Variants in PTPRG observed in about 807,000 individuals in gnomAD.
PTPRG encodes the protein protein tyrosine phosphatase receptor type G, also known as receptor-type tyrosine-protein phosphatase gamma.
A neutral mutation model predicts 165.3 loss-of-function variants in PTPRG; 102 were observed. The observed-to-expected ratio is 0.62, with a 90% confidence interval of 0.53 to 0.73. The LOEUF is 0.73. PTPRG is among the 30% of genes least tolerant of loss of function. The pLI, the probability that PTPRG is intolerant of heterozygous loss-of-function variation, is 0.00. For missense variants in PTPRG, 1,866 were observed against 1,861.4 expected (o/e 1.00, Z -0.05); for synonymous variants, 675 against 669.5 (o/e 1.01, Z -0.13).
At chr3:62,125,187 T>C (rs1703242412) in intron 5 of PTPRG, among the ~76,000 whole-genome samples, 1 of 152,204 alleles carries the variant, frequency 6.6e-6, no homozygotes, top group African/African-American at 2.4e-5. Flanking sequence ...CTACATGATA[T>C]TTACATGGTC....
intron 4 of PTPRG, among the ~76,000 whole-genome samples, chr3:62,024,451 C>T (rs1481954789): frequency 6.6e-6 from 1 of 152,164 alleles, no homozygotes; most frequent in Non-Finnish European, 1.5e-5. Context: ...CAGGTAACTT[C>T]AAAAGAATAT....
chr3:61,597,595 A>G (rs1032250404), intron 1 of PTPRG, among the ~76,000 whole-genome samples: 4 of 152,172 alleles, frequency 2.6e-5, no homozygotes, highest in African/African-American at 9.7e-5. Flanking sequence ...TCTTTTTACC[A>G]TGTAGGATTT....
intron 1 of PTPRG, among the ~76,000 whole-genome samples, chr3:61,639,122 A>C (rs1701996884): frequency 6.6e-6 from 1 of 152,212 alleles, no homozygotes; most frequent in African/African-American, 2.4e-5. Context: ...ATTCCGCTGC[A>C]TATGGCTAGC....
At chr3:61,778,703 A>T (rs959720718) in intron 2 of PTPRG, among the ~76,000 whole-genome samples, 1 of 152,114 alleles carries the variant, frequency 6.6e-6, no homozygotes. Context: ...GTACTGACCT[A>T]CTGTAGCCTT....
At chr3:61,921,866 G>C (rs757562749) in intron 2 of PTPRG, among the ~76,000 whole-genome samples, 1 of 152,112 alleles carries the variant, frequency 6.6e-6, no homozygotes, top group Non-Finnish European at 1.5e-5. Flanking sequence ...GCAAAAAGCA[G>C]AGTTTATGCA....
intron 1 of PTPRG, among the ~76,000 whole-genome samples, chr3:61,715,784 A>G (rs1454812031): frequency 1.3e-5 from 2 of 152,160 alleles, no homozygotes; most frequent in Non-Finnish European, 2.9e-5. Flanking sequence ...AACGATGATG[A>G]CACATGATCA....
At chr3:61,787,372 TC>T (rs375854800) in intron 2 of PTPRG, among the ~76,000 whole-genome samples, 39 of 152,336 alleles carry the variant, frequency 2.6e-4, no homozygotes, top group African/African-American at 9.1e-4. Flanking sequence ...TCCTGCCTTT[TC>T]CCTGAATGAA....
intron 2 of PTPRG, among the ~76,000 whole-genome samples, chr3:61,768,081 T>C (rs1418929529): frequency 6.6e-6 from 1 of 152,156 alleles, no homozygotes; most frequent in Non-Finnish European, 1.5e-5. Context: ...AGAGATATAT[T>C]AATTGATTTT....
At chr3:62,148,019 G>A (rs13433689) in intron 6 of PTPRG, among the ~76,000 whole-genome samples, 1,725 of 152,236 alleles carry the variant, frequency 0.011, 34 homozygotes, top group African/African-American at 0.039. Context: ...GGTGGTGCAC[G>A]CCTGTAGTTC....
chr3:61,894,301 C>CAAAAAAAAAAAAAAA lies in PTPRG; in HGVS notation c.191-95305_191-95291dup, dbSNP rs767479285. ...CGGGCAACAGAGCAAGACTCTGTGT[C>CAAAAAAAAAAAAAAA]AAAAAAAAAAAAAAAAAAAAAAAAA... is the stretch of plus-strand genomic sequence containing the variant. On this transcript the variant is annotated intron_variant, in intron 2 of 29. Coordinates refer to ENST00000474889, the MANE Select transcript of PTPRG (RefSeq NM_002841.4). Among the ~76,000 whole-genome samples the CAAAAAAAAAAAAAAA allele has an allele frequency of 5.4e-4, 27 of 49,844 alleles. 1 individual carries two copies. The highest frequency in any genetic ancestry group is 1.4e-3 in the African/African-American group (21 of 15,094). 32.7% of individuals were successfully genotyped at this position (49,844 alleles called of 152,430 possible).
At chr3:62,082,013 A>G (rs1402306024) in intron 5 of PTPRG, among the ~76,000 whole-genome samples, 1 of 152,202 alleles carries the variant, frequency 6.6e-6, no homozygotes, top group Admixed American at 6.5e-5. Flanking sequence ...TAACGGCCAA[A>G]AAGAGTTGAA....
intron 5 of PTPRG, among the ~76,000 whole-genome samples, chr3:62,108,633 A>G (rs1038925663): frequency 1.5e-4 from 23 of 152,204 alleles, no homozygotes; most frequent in African/African-American, 4.1e-4. Context: ...GTCTTCCACA[A>G]TGGTTGAACT....
rs373934536 is a variant in PTPRG at position 61,763,783 on chromosome 3, C to T, written c.190+14801C>T. On this transcript the variant is annotated intron_variant, in intron 2 of 29. Coordinates refer to ENST00000474889, the MANE Select transcript of PTPRG (RefSeq NM_002841.4). Reference sequence around the variant, plus strand: ...AAATTTGATTTCAAAAGCCTGACATCACTGCAAATAAAATAATAAAGCTCC... The same window carrying T: ...AAATTTGATTTCAAAAGCCTGACATTACTGCAAATAAAATAATAAAGCTCC... Among the ~76,000 whole-genome samples, 7 of 152,246 alleles carry T rather than the reference C, an allele frequency of 4.6e-5. No homozygotes were observed. In the East Asian group the frequency reaches 9.7e-4, roughly 21 times the overall value.
intron 2 of PTPRG, among the ~76,000 whole-genome samples, chr3:61,788,889 A>G (rs1296754477): frequency 6.6e-6 from 1 of 152,194 alleles, no homozygotes; most frequent in Non-Finnish European, 1.5e-5. Context: ...TTTCTAGATG[A>G]AGGCTCCTCT....
intron 4 of PTPRG, among the ~76,000 whole-genome samples, chr3:62,005,877 A>G (rs2041286468): frequency 2.0e-5 from 3 of 151,252 alleles, no homozygotes; most frequent in Admixed American, 1.3e-4. Context: ...TAATTTTTGT[A>G]TTTTTAGTAG....
intron 2 of PTPRG, among the ~76,000 whole-genome samples, chr3:61,935,884 A>G (rs1429579743): frequency 6.6e-6 from 1 of 151,782 alleles, no homozygotes; most frequent in Admixed American, 6.6e-5. Flanking sequence ...CTTGGTTTAA[A>G]TGATGGTGTT....
intron 2 of PTPRG, among the ~76,000 whole-genome samples, chr3:61,853,740 G>A (rs1032186318): frequency 1.3e-5 from 2 of 152,202 alleles, no homozygotes; most frequent in African/African-American, 4.8e-5. Flanking sequence ...GATGCAGAGT[G>A]CTAGGAAAGT....
At chr3:62,199,912 T>C (rs1319187344) in intron 10 of PTPRG, among the ~76,000 whole-genome samples, 1 of 152,188 alleles carries the variant, frequency 6.6e-6, no homozygotes, top group African/African-American at 2.4e-5. Flanking sequence ...TGGAATATTA[T>C]TCACCCTCAA....
At chr3:62,085,404 G>A (rs752873237) in intron 5 of PTPRG, among the ~76,000 whole-genome samples, 3 of 152,160 alleles carry the variant, frequency 2.0e-5, no homozygotes, top group Non-Finnish European at 4.4e-5. Context: ...TTAAAGGGAT[G>A]CATCTCCATT....
Sources: gnomAD v4.1 joint callset for allele counts (sites outside exome capture counted in the v4.1 genomes callset) on GRCh38, gnomAD v4.1.1 for gene constraint, MANE v1.5 for transcripts, NCBI Gene and HGNC (gene_info 2026-07-23, HGNC 2026-07-21) for gene names.